The following KIF26B variants were observed in gnomAD, a reference collection of about 807,000 sequenced individuals.
KIF26B encodes the protein kinesin-like protein KIF26B.
KIF26B carries 63 observed loss-of-function variants against 151.2 expected under a neutral mutation model. That is an observed-to-expected ratio of 0.42 (90% CI 0.34 to 0.51). The LOEUF is 0.51. KIF26B is among the 20% of genes least tolerant of loss of function. The pLI is 0.07. For synonymous variants in KIF26B, 1,357 were observed against 1,262.1 expected, an observed-to-expected ratio of 1.08 and a Z score of -1.59; for missense variants, 2,813 against 2,913.6, an observed-to-expected ratio of 0.97 and a Z score of 0.79.
rs1379333327 is a variant in KIF26B at position 245,553,478 on chromosome 1, C to G, written c.1350+12528C>G. On this transcript the variant is annotated intron_variant, in intron 5 of 14. Coordinates refer to ENST00000407071, the MANE Select transcript of KIF26B (RefSeq NM_018012.4). Reference sequence around the variant, plus strand: ...CCTCTGCCGCTGACAGTCCCAAGCTCTCTTCCCTCATCATCTCAGATAGCT... The same window carrying G: ...CCTCTGCCGCTGACAGTCCCAAGCTGTCTTCCCTCATCATCTCAGATAGCT... Among the ~76,000 whole-genome samples, 6 of 152,176 alleles carry G rather than the reference C, an allele frequency of 3.9e-5. No individual in the cohort carries two copies. In the East Asian group the frequency reaches 7.7e-4, roughly 20 times the overall value.
chr1:245,655,518 G>A (rs12410304), intron 10 of KIF26B, among the ~76,000 whole-genome samples: 14,534 of 152,210 alleles, frequency 0.095, 1,200 homozygotes, highest in East Asian at 0.44. Flanking sequence ...GCCTGATACA[G>A]ATACTTGGTT....
intron 9 of KIF26B, among the ~76,000 whole-genome samples, chr1:245,632,245 G>T (rs2043788689): frequency 1.3e-5 from 2 of 151,916 alleles, no homozygotes; most frequent in South Asian, 4.2e-4. Flanking sequence ...ATTTTCATTT[G>T]TTTTAAGAAA....
chr1:245,490,473 A>C (rs75242788), intron 4 of KIF26B, among the ~76,000 whole-genome samples: 5,127 of 151,992 alleles, frequency 0.034, 130 homozygotes, highest in Non-Finnish European at 0.05. Flanking sequence ...CACCACGTCC[A>C]GCTAATTTTT....
At chr1:245,487,296 C>T (rs993196011) in intron 4 of KIF26B, among the ~76,000 whole-genome samples, 1 of 152,198 alleles carries the variant, frequency 6.6e-6, no homozygotes, top group African/African-American at 2.4e-5. Flanking sequence ...ATGTCATCTC[C>T]AGGACCAACT....
intron 2 of KIF26B, among the ~76,000 whole-genome samples, chr1:245,220,372 G>T (rs968765274): frequency 2.0e-5 from 3 of 152,004 alleles, no homozygotes; most frequent in Non-Finnish European, 4.4e-5. Context: ...ACCAGTGTCG[G>T]AACTGAGACT....
At chr1:245,432,204 G>A (rs549911230) in intron 4 of KIF26B, among the ~76,000 whole-genome samples, 1 of 152,272 alleles carries the variant, frequency 6.6e-6, no homozygotes, top group South Asian at 2.1e-4. Flanking sequence ...GGGCGGCTAA[G>A]TCTCCAGATT....
At chr1:245,596,929 T>C (rs2043340943) in intron 5 of KIF26B, among the ~76,000 whole-genome samples, 1 of 152,208 alleles carries the variant, frequency 6.6e-6, no homozygotes, top group Non-Finnish European at 1.5e-5. Flanking sequence ...GTTTAAAGTC[T>C]GTTTTATCAG....
Position 245,486,991 on chromosome 1 carries a change from C to T in KIF26B, c.1167-53776C>T, listed in dbSNP as rs181555096. The stretch of plus-strand genomic sequence containing the variant: ...TCCATAGAACTGTCCCAAAGTCGGA[C>T]GTCCTGGGCCTGAGGCACGGGTTTG... On this transcript the variant is annotated intron_variant, in intron 4 of 14. Transcript: ENST00000407071. 3.8e-3 allele frequency among the ~76,000 whole-genome samples: 575 copies of T among 152,286 alleles called. 12 individuals are homozygous for T. Among genetic ancestry groups the T allele is most frequent in the Non-Finnish European group, 1.1e-3 (72 of 68,020 alleles).
chr1:245,576,323 T>A (rs895557602), intron 5 of KIF26B, among the ~76,000 whole-genome samples: 19 of 152,198 alleles, frequency 1.2e-4, no homozygotes, highest in African/African-American at 4.6e-4. Flanking sequence ...GGAGTTTTAT[T>A]TTCCCTTTCA....
chr1:245,314,016 G>A (rs1402738966), intron 2 of KIF26B, among the ~76,000 whole-genome samples: 3 of 152,032 alleles, frequency 2.0e-5, no homozygotes, highest in African/African-American at 4.8e-5. Context: ...TGTTCCCTCC[G>A]CTTTGAGGTA....
At position 245,512,704 on chromosome 1, in the gene KIF26B, T is replaced by G. The variant is rs1055261460; in HGVS notation, c.1167-28063T>G. Among the ~76,000 whole-genome samples the G allele has an allele frequency of 1.8e-4, 27 of 152,172 alleles. No individual in the cohort carries two copies. The highest frequency in any genetic ancestry group is 1.4e-3 in the Admixed American group (21 of 15,274). Reference sequence around the variant, plus strand: ...GGAAATCTGAGACAGAAAACACATGTTGGCAGCATCATGTGAGCGCCTCTC... The same window carrying G: ...GGAAATCTGAGACAGAAAACACATGGTGGCAGCATCATGTGAGCGCCTCTC... On this transcript the variant is annotated intron_variant, in intron 4 of 14. Transcript: ENST00000407071. The surrounding 1 kb of genome is among the most constrained non-coding windows in gnomAD (Gnocchi z 4.3).
chr1:245,158,750 G>C (rs1007520575), intron 2 of KIF26B, among the ~76,000 whole-genome samples: 1 of 152,146 alleles, frequency 6.6e-6, no homozygotes, highest in African/African-American at 2.4e-5. Context: ...CCAGGAAGAA[G>C]GATGCTTTGC....
intron 5 of KIF26B, among the ~76,000 whole-genome samples, chr1:245,543,219 C>T (rs903517779): frequency 7.2e-5 from 11 of 152,104 alleles, no homozygotes; most frequent in African/African-American, 2.7e-4. Context: ...ACCAAAACAG[C>T]AGAAAGAGTG....
chr1:245,675,471 T>A (rs2044347072), intron 10 of KIF26B, among the ~76,000 whole-genome samples: 1 of 152,200 alleles, frequency 6.6e-6, no homozygotes, highest in South Asian at 2.1e-4. Flanking sequence ...ACAAAGGCAC[T>A]CCCAGTGAGT....
At chr1:245,634,091 G>A (rs535196737) in intron 9 of KIF26B, among the ~76,000 whole-genome samples, 3 of 152,272 alleles carry the variant, frequency 2.0e-5, no homozygotes, top group African/African-American at 4.8e-5. Context: ...TGGGATTACC[G>A]GTGCGAGGCA....
intron 3 of KIF26B, among the ~76,000 whole-genome samples, chr1:245,376,999 C>G (rs545239598): frequency 6.6e-6 from 1 of 151,428 alleles, no homozygotes; most frequent in Admixed American, 6.6e-5. Flanking sequence ...ACTGCAACCT[C>G]TGCCTCCTGG....
rs374359453 is a variant in KIF26B, at chr1:245,556,647, C to T, written c.1350+15697C>T. 5.7e-4 allele frequency among the ~76,000 whole-genome samples: 87 copies of T among 152,234 alleles called. 2 individuals are homozygous for T. The highest frequency in any genetic ancestry group is 4.1e-4 in the South Asian group (2 of 4,820). The stretch of plus-strand genomic sequence containing the variant: ...AAACTCCTGAGTTCGGATGATTTGC[C>T]GGCCTTGGCCTCCCAAAGTGCTGGG... On this transcript the variant is annotated intron_variant, in intron 5 of 14. Transcript: ENST00000407071.
At chr1:245,548,568 G>A (rs1048464245) in intron 5 of KIF26B, among the ~76,000 whole-genome samples, 1 of 152,182 alleles carries the variant, frequency 6.6e-6, no homozygotes, top group Non-Finnish European at 1.5e-5. Flanking sequence ...TTCTTGTCCT[G>A]TCCTCTCATT....
chr1:245,513,216 C>CTG (rs1558194409), intron 4 of KIF26B, among the ~76,000 whole-genome samples: 1 of 150,898 alleles, frequency 6.6e-6, no homozygotes, highest in African/African-American at 2.5e-5. Flanking sequence ...GCACCCCCCC[C>CTG]CAACCCCGCC....
Sources: gnomAD v4.1 joint callset for allele counts (sites outside exome capture counted in the v4.1 genomes callset) on GRCh38, gnomAD v4.1.1 for gene constraint, Gnocchi (gnomAD v3.1) non-coding constraint, MANE v1.5 for transcripts, NCBI Gene and HGNC (gene_info 2026-07-23, HGNC 2026-07-21) for gene names.